Variants in PDE1C observed in about 807,000 individuals in gnomAD.
The protein encoded by PDE1C is phosphodiesterase 1C, also known as dual specificity calcium/calmodulin-dependent 3',5'-cyclic nucleotide phosphodiesterase 1C.
Under a neutral mutation model 93.1 loss-of-function variants are expected in PDE1C, and 62 were observed. That is an observed-to-expected ratio of 0.67 (90% CI 0.54 to 0.82). The LOEUF (loss-of-function observed/expected upper bound fraction) is 0.82, where lower values mean the gene tolerates loss of function less well. Among genes scored for constraint, PDE1C ranks in the 40% least tolerant of loss-of-function variants. The pLI is 0.00. For missense variants in PDE1C, 742 were observed against 884.6 expected (o/e 0.84, Z 2.04); for synonymous variants, 325 against 310.1 (o/e 1.05, Z -0.50).
the PDE1C span, among the ~76,000 whole-genome samples, chr7:31,743,907 ATATC>A: frequency 1.3e-5 from 2 of 152,074 alleles, no homozygotes; most frequent in South Asian, 4.1e-4. Flanking sequence ...ATGGGCTGCT[ATATC>A]TCCAGGCTCA....
chr7:32,340,168 G>A (rs916827515), intron 1 of PDE1C, among the ~76,000 whole-genome samples: 1 of 152,166 alleles, frequency 6.6e-6, no homozygotes, highest in African/African-American at 2.4e-5. Flanking sequence ...GAGGGGATCA[G>A]GGAGCAGGAT....
chr7:31,720,763 G>GT, the PDE1C span, among the ~76,000 whole-genome samples: 1 of 152,114 alleles, frequency 6.6e-6, no homozygotes, highest in Non-Finnish European at 1.5e-5. Flanking sequence ...GGATGCTTTT[G>GT]TTTTTTTCTC....
At chr7:32,289,476 T>C (rs1434841799) in intron 1 of PDE1C, among the ~76,000 whole-genome samples, 1 of 152,182 alleles carries the variant, frequency 6.6e-6, no homozygotes, top group Non-Finnish European at 1.5e-5. Context: ...ACTTATCAAT[T>C]CACATTTTGT....
At chr7:32,145,196 T>C (rs545552720) in intron 3 of PDE1C, among the ~76,000 whole-genome samples, 199 of 152,156 alleles carry the variant, frequency 1.3e-3, no homozygotes, top group African/African-American at 3.6e-3. Flanking sequence ...GGCAGAAAGG[T>C]CATTTGGGAG....
At chr7:32,370,969 A>G (rs887891214) in intron 1 of PDE1C, among the ~76,000 whole-genome samples, 4 of 152,008 alleles carry the variant, frequency 2.6e-5, no homozygotes, top group Non-Finnish European at 5.9e-5. Flanking sequence ...AGAAAGTTCA[A>G]CACTGCATAT....
At position 32,014,916 on chromosome 7, in the gene PDE1C, C is replaced by T. The variant is rs142732893; in HGVS notation, c.128+36638G>A. Among the ~76,000 whole-genome samples, 1,077 of 152,160 alleles carry T rather than the reference C, an allele frequency of 7.1e-3. 9 individuals carry two copies. Among genetic ancestry groups the T allele is most frequent in the African/African-American group, 0.022 (897 of 41,514 alleles). On this transcript the variant is annotated intron_variant, in intron 2 of 17. Coordinates refer to ENST00000396191, the MANE Select transcript of PDE1C (RefSeq NM_001191057.4). ...CAAATCTCATCTTGATTTATAATCC[C>T]ATTATCCCCATAATCTTCACGTGTC...
chr7:31,695,578 G>A, the PDE1C span: 3 of 1,613,892 alleles, frequency 1.9e-6, no homozygotes, highest in East Asian at 2.2e-5. Flanking sequence ...AAAAACCAAG[G>A]AGGAAAGATA....
Position 32,420,092 on chromosome 7 carries a change from CATATATATATAT to C in PDE1C, c.310+7718_310+7729del, listed in dbSNP as rs371570161. The stretch of plus-strand genomic sequence containing the variant: ...ATACAAAAATAGCCAGGTGTGGTGG[CATATATATATAT>C]ATATATATATATATATATATACACA... On this transcript the variant is annotated intron_variant, in intron 1 of 1. Transcript: ENST00000672256. Among the ~76,000 whole-genome samples the C allele has an allele frequency of 1.7e-3, 27 of 16,354 alleles. 2 individuals carry two copies. The highest frequency in any genetic ancestry group is 2.6e-3 in the Non-Finnish European group (24 of 9,352). The allele number at this position is 16,354 out of a possible 152,430, so 10.7% of individuals were successfully genotyped here. A position where few individuals can be genotyped will look rare whatever the true frequency, so the allele number is the denominator to read the frequency against.
intron 3 of PDE1C, among the ~76,000 whole-genome samples, chr7:32,150,761 G>C (rs549949733): frequency 6.6e-6 from 1 of 152,170 alleles, no homozygotes; most frequent in African/African-American, 2.4e-5. Flanking sequence ...TTAGGTCTTC[G>C]TTCATTTGCA....
At chr7:31,765,435 T>C (rs1272865904) in intron 17 of PDE1C, among the ~76,000 whole-genome samples, 1 of 152,184 alleles carries the variant, frequency 6.6e-6, no homozygotes, top group African/African-American at 2.4e-5. Context: ...ATTTTGGAGA[T>C]AACGCAAGCT....
At chr7:32,212,095 T>C (rs1046571336) in intron 1 of PDE1C, among the ~76,000 whole-genome samples, 2 of 150,736 alleles carry the variant, frequency 1.3e-5, no homozygotes, top group African/African-American at 4.9e-5. Context: ...TACCAAAACC[T>C]TTGCTGCAGA....
chr7:31,995,790 A>G (rs1344549174), intron 2 of PDE1C, among the ~76,000 whole-genome samples: 2 of 152,128 alleles, frequency 1.3e-5, no homozygotes, highest in Non-Finnish European at 2.9e-5. Flanking sequence ...TAGGTCCAAA[A>G]CAAACAAAAA....
intron 1 of PDE1C, among the ~76,000 whole-genome samples, chr7:32,234,135 G>A (rs1807906677): frequency 6.6e-6 from 1 of 151,776 alleles, no homozygotes; most frequent in Non-Finnish European, 1.5e-5. Context: ...CAAAATTTGT[G>A]GGATGCAACT....
At chr7:31,626,227 A>G in the PDE1C span, among the ~76,000 whole-genome samples, 1 of 152,218 alleles carries the variant, frequency 6.6e-6, no homozygotes, top group African/African-American at 2.4e-5. Context: ...GAATCATAAC[A>G]TCACATAAAG....
intron 11 of PDE1C, among the ~76,000 whole-genome samples, chr7:31,833,929 G>A (rs896555741): frequency 2.6e-5 from 4 of 152,218 alleles, no homozygotes; most frequent in Non-Finnish European, 4.4e-5. Flanking sequence ...CAGACCAAGA[G>A]GCCTAGGAGG....
the PDE1C span, among the ~76,000 whole-genome samples, chr7:31,744,039 A>G: frequency 6.6e-6 from 1 of 152,240 alleles, no homozygotes; most frequent in Non-Finnish European, 1.5e-5. Context: ...GCGGGGGAAC[A>G]GCCTTAGAAA....
At chr7:31,968,318 GACAA>G (rs1810355446) in intron 2 of PDE1C, among the ~76,000 whole-genome samples, 1 of 151,952 alleles carries the variant, frequency 6.6e-6, no homozygotes, top group South Asian at 2.1e-4. Flanking sequence ...ACCAATAACA[GACAA>G]ACAGAGAGCC....
At chr7:31,694,938 C>T in the PDE1C span, among the ~76,000 whole-genome samples, 2 of 152,084 alleles carry the variant, frequency 1.3e-5, no homozygotes, top group Admixed American at 6.5e-5. Context: ...AAGCCAGGAA[C>T]GGTGAAAAGA....
intron 3 of PDE1C, among the ~76,000 whole-genome samples, chr7:32,147,416 C>T (rs111260979): frequency 2.0e-3 from 297 of 152,226 alleles, no homozygotes; most frequent in Middle Eastern, 0.014. Context: ...AAAAGGAAGA[C>T]TTCTTAAATT....
Sources: allele counts gnomAD v4.1 joint callset (sites outside exome capture counted in the v4.1 genomes callset), GRCh38; gene constraint gnomAD v4.1.1; transcripts MANE v1.5; gene names NCBI Gene and HGNC (gene_info 2026-07-23, HGNC 2026-07-21).